Variants in MMAA observed in about 807,000 individuals in gnomAD.
MMAA encodes the protein metabolism of cobalamin associated A.
A neutral mutation model predicts 45.0 loss-of-function variants in MMAA; 41 were observed. The ratio of observed to expected loss-of-function variants is 0.91; its 90% confidence interval spans 0.71 to 1.18. The LOEUF (loss-of-function observed/expected upper bound fraction) is 1.18, where lower values mean the gene tolerates loss of function less well. MMAA is among the 50% of genes most tolerant of loss of function. The probability of loss-of-function intolerance (pLI) is 0.00; values close to 1 mark genes in which losing one functional copy is unlikely to be tolerated. For missense variants in MMAA, 460 were observed against 495.7 expected, an observed-to-expected ratio of 0.93 and a Z score of 0.68; for synonymous variants, 154 against 178.2, an observed-to-expected ratio of 0.86 and a Z score of 1.08.
intron 5 of MMAA, among the ~76,000 whole-genome samples, chr4:145,652,369 C>G (rs1560801691): frequency 6.6e-6 from 1 of 152,108 alleles, no homozygotes; most frequent in Non-Finnish European, 1.5e-5. Context: ...AAACCCCAAC[C>G]CTCTAATCAC....
chr4:145,625,664 T>G, intron 1 of MMAA: 1 of 1,264,380 alleles, frequency 7.9e-7, no homozygotes, highest in South Asian at 1.2e-5. Context: ...AACTGCCCAG[T>G]CTCTCTAGGC....
At chr4:145,619,492 GTCCTCCGGGGCGCCCCC>G (rs1430834730) in intron 1 of MMAA, 85 bp downstream of exon 1, 1 of 152,378 alleles carries the variant, frequency 6.6e-6, no homozygotes, top group East Asian at 1.9e-4. Flanking sequence ...GGCCAGCGCG[GTCCTCCGGGGCGCCCCC>G]TGGAGGATTT....
At chr4:145,624,537 A>G in intron 1 of MMAA, 3 of 1,127,176 alleles carry the variant, frequency 2.7e-6, no homozygotes, top group Non-Finnish European at 4.0e-6. Flanking sequence ...GCTGTTCTTT[A>G]TGACTTGGAA....
intron 1 of MMAA, among the ~76,000 whole-genome samples, chr4:145,638,656 G>C (rs1247602834): frequency 6.6e-6 from 1 of 152,100 alleles, no homozygotes; most frequent in East Asian, 1.9e-4. Flanking sequence ...TTTGTAGAGA[G>C]TGAATACAAG....
Position 145,646,166 on chromosome 4 carries a change from A to G in MMAA, c.733+10A>G. The G allele has an allele frequency of 1.2e-6, 2 of 1,613,920 alleles. No individual in the cohort carries two copies. Among genetic ancestry groups the G allele is most frequent in the South Asian group, 2.2e-5 (2 of 91,076 alleles). Reference sequence around the variant, plus strand: ...CTTATTGAAACCGTTGGTGAGTGTGATATTCTATTTCATAACAATGTACTA... The same window carrying G: ...CTTATTGAAACCGTTGGTGAGTGTGGTATTCTATTTCATAACAATGTACTA... On this transcript the variant is annotated intron_variant, in intron 4 of 6. Coordinates refer to ENST00000649156, the MANE Select transcript of MMAA (RefSeq NM_172250.3).
intron 1 of MMAA, chr4:145,625,301 A>T (rs1734178240): frequency 1.4e-6 from 1 of 726,264 alleles, no homozygotes; most frequent in Admixed American, 1.8e-5. Context: ...ATTAGTAAAG[A>T]AATTGCAGGC....
At chr4:145,625,248 T>C in intron 1 of MMAA, 1 of 955,336 alleles carries the variant, frequency 1.0e-6, no homozygotes, top group East Asian at 2.6e-5. Flanking sequence ...TGTTGCTGAC[T>C]CTTGAGGAGC....
intron 3 of MMAA, among the ~76,000 whole-genome samples, chr4:145,644,579 C>T (rs1323701719): frequency 1.3e-5 from 2 of 152,170 alleles, no homozygotes. Flanking sequence ...ATAATAGTCC[C>T]AGGACTTTCA....
intron 4 of MMAA, among the ~76,000 whole-genome samples, chr4:145,646,883 A>G (rs1323536892): frequency 6.6e-6 from 1 of 152,202 alleles, no homozygotes; most frequent in East Asian, 1.9e-4. Context: ...GAATGAAGGG[A>G]GGTCAGTTGG....
At chr4:145,633,199 T>C (rs897294859) in intron 1 of MMAA, among the ~76,000 whole-genome samples, 2 of 142,916 alleles carry the variant, frequency 1.4e-5, no homozygotes, top group Admixed American at 1.4e-4. Flanking sequence ...TCTTTTTCTT[T>C]TTTTTTTTTT....
intron 1 of MMAA, chr4:145,624,878 G>A: frequency 6.2e-7 from 1 of 1,603,898 alleles, no homozygotes; most frequent in Non-Finnish European, 8.5e-7. Flanking sequence ...CCATGCTGGG[G>A]GTGTACAATG....
chr4:145,640,360 G>C (rs576930613), intron 2 of MMAA, among the ~76,000 whole-genome samples: 3 of 151,884 alleles, frequency 2.0e-5, no homozygotes. Context: ...TGATCCACCC[G>C]TCTTGGCCTC....
At chr4:145,654,231 T>TCAA in intron 6 of MMAA, 88 bp downstream of exon 6, 1 of 1,453,014 alleles carries the variant, frequency 6.9e-7, no homozygotes, top group South Asian at 1.1e-5. Flanking sequence ...AGACATATAA[T>TCAA]CAATCTTGCT....
chr4:145,652,843 C>T (rs952244041), intron 5 of MMAA, among the ~76,000 whole-genome samples: 1 of 152,004 alleles, frequency 6.6e-6, no homozygotes, highest in East Asian at 1.9e-4. Flanking sequence ...AAGATTACCT[C>T]CCAGAAACCC....
intron 1 of MMAA, chr4:145,624,633 G>C (rs1734162075): frequency 7.1e-7 from 1 of 1,414,156 alleles, no homozygotes; most frequent in African/African-American, 1.4e-5. Flanking sequence ...TTTACTAGAA[G>C]GACAGAGCCA....
At chr4:145,634,161 C>T (rs1052419583) in intron 1 of MMAA, among the ~76,000 whole-genome samples, 1 of 152,224 alleles carries the variant, frequency 6.6e-6, no homozygotes, top group African/African-American at 2.4e-5. Flanking sequence ...TAAGTTCCCC[C>T]AGGCTCCAGG....
chr4:145,653,398 TA>T (rs1250518761), intron 5 of MMAA, among the ~76,000 whole-genome samples: 1 of 152,212 alleles, frequency 6.6e-6, no homozygotes, highest in East Asian at 1.9e-4. Context: ...CTAATATTTT[TA>T]TGTGACATAA....
chr4:145,625,810 G>C, intron 1 of MMAA: 1 of 1,151,240 alleles, frequency 8.7e-7, no homozygotes, highest in South Asian at 1.2e-5. Flanking sequence ...TGATAGATGA[G>C]GTCCACCTGT....
intron 1 of MMAA, among the ~76,000 whole-genome samples, chr4:145,623,831 C>A (rs1400602278): frequency 6.6e-6 from 1 of 152,086 alleles, no homozygotes; most frequent in Admixed American, 6.6e-5. Flanking sequence ...TTTTAATGTA[C>A]TTTTAGTAAC....
Sources: gnomAD v4.1 joint callset for allele counts (sites outside exome capture counted in the v4.1 genomes callset) on GRCh38, gnomAD v4.1.1 for gene constraint, MANE v1.5 for transcripts, NCBI Gene and HGNC (gene_info 2026-07-23, HGNC 2026-07-21) for gene names.